The following FGF13 variants were observed in gnomAD, a reference collection of about 807,000 sequenced individuals.
FGF13 encodes the protein fibroblast growth factor homologous factor 2.
In FGF13, 2 loss-of-function variants were observed where a neutral mutation model predicts 19.5. The observed-to-expected ratio is 0.10, with a 90% CI of 0.04 to 0.32. FGF13 has a LOEUF of 0.32. Among genes scored for constraint, FGF13 ranks in the 10% least tolerant of loss-of-function variants. The pLI, the probability that FGF13 is intolerant of heterozygous loss-of-function variation, is 1.00. For synonymous variants in FGF13, 72 were observed against 76.9 expected, an observed-to-expected ratio of 0.94 and a Z score of 0.33; for missense variants, 113 against 192.7, an observed-to-expected ratio of 0.59 and a Z score of 2.45.
intron 3 of FGF13, among the ~76,000 whole-genome samples, chrX:138,690,754 G>A (rs2089830708): frequency 9.0e-6 from 1 of 110,568 alleles, no homozygotes; most frequent in Admixed American, 9.7e-5. Flanking sequence ...CCCATCCCAA[G>A]GCATTCAAAT....
intron 3 of FGF13, among the ~76,000 whole-genome samples, chrX:138,676,624 G>A (rs182254132): frequency 1.4e-3 from 155 of 111,335 alleles, no homozygotes; most frequent in Middle Eastern, 9.2e-3. Flanking sequence ...GGTGGTGGAA[G>A]CGGTGAGGGT....
chrX:138,767,707 A>G (rs1463799700), intron 3 of FGF13, among the ~76,000 whole-genome samples: 1 of 112,253 alleles, frequency 8.9e-6, no homozygotes, highest in Non-Finnish European at 1.9e-5. Context: ...ATACAGGCAG[A>G]AGTTCTAGTC....
chrX:138,887,041 T>C (rs970015399), intron 1 of FGF13, among the ~76,000 whole-genome samples: 8 of 111,667 alleles, frequency 7.2e-5, no homozygotes, highest in Admixed American at 9.5e-5. Context: ...CAATGTTGCA[T>C]GGTGGTTAAG....
chrX:139,044,905 G>T (rs1318412632), intron 1 of FGF13, among the ~76,000 whole-genome samples: 1 of 111,194 alleles, frequency 9.0e-6, no homozygotes, highest in Non-Finnish European at 1.9e-5. Flanking sequence ...CTGGAGGACG[G>T]TGGCCCCCAT....
At chrX:139,143,768 G>A (rs1165945333) in intron 1 of FGF13, among the ~76,000 whole-genome samples, 2 of 111,275 alleles carry the variant, frequency 1.8e-5, no homozygotes, top group Non-Finnish European at 3.8e-5. Flanking sequence ...ACTCCACTAG[G>A]GCATTGCTGG....
At chrX:138,675,960 T>A (rs1175651460) in intron 3 of FGF13, among the ~76,000 whole-genome samples, 1 of 112,059 alleles carries the variant, frequency 8.9e-6, no homozygotes, top group Non-Finnish European at 1.9e-5. Context: ...GACCTGAGTC[T>A]TCCAAGATAT....
At chrX:138,803,106 T>C (rs1442627674) in intron 3 of FGF13, among the ~76,000 whole-genome samples, 1 of 111,905 alleles carries the variant, frequency 8.9e-6, no homozygotes, top group Non-Finnish European at 1.9e-5. Flanking sequence ...TCTCCAACTC[T>C]AATGGCAACT....
Position 138,627,653 on chromosome X carries a change from AGT to A in FGF13, c.*5195_*5196del, listed in dbSNP as rs2089078172. On this transcript the variant is annotated 3_prime_UTR_variant, in exon 5 of 5. Coordinates refer to ENST00000315930, the MANE Select transcript of FGF13 (RefSeq NM_004114.5). ...CGCGTGTGTGTGTGTGTGTGTGTGAAGTGTTTGTACAAAAGAGAAATAGGCAG... is the reference window on the plus strand; with the variant it reads ...CGCGTGTGTGTGTGTGTGTGTGTGAAGTTTGTACAAAAGAGAAATAGGCAG... 2.0e-5 allele frequency: 2 copies of A among 101,244 alleles called. No homozygotes were observed. Among genetic ancestry groups the A allele is most frequent in the African/African-American group, 7.3e-5 (2 of 27,463 alleles). 8.3% of individuals were successfully genotyped at this position (101,244 alleles called of 1,213,427 possible).
chrX:139,004,537 G>A (rs2092092283), intron 1 of FGF13, among the ~76,000 whole-genome samples: 1 of 112,706 alleles, frequency 8.9e-6, no homozygotes, highest in Non-Finnish European at 1.9e-5. Context: ...AGGCAGAGGA[G>A]GTGCCGAGAG....
At chrX:138,755,972 A>G (rs1048970894) in intron 3 of FGF13, among the ~76,000 whole-genome samples, 5 of 111,758 alleles carry the variant, frequency 4.5e-5, no homozygotes, top group Admixed American at 2.8e-4. Context: ...TGGTGTCCTT[A>G]TAAGAAGAAG....
intron 1 of FGF13, among the ~76,000 whole-genome samples, chrX:138,939,179 C>A (rs1037706602): frequency 7.1e-5 from 8 of 111,889 alleles, no homozygotes; most frequent in African/African-American, 2.6e-4. Flanking sequence ...TGAGATAGTG[C>A]CAGGACATAG....
chrX:139,174,371 T>C (rs1451432199), intron 1 of FGF13, among the ~76,000 whole-genome samples: 1 of 112,513 alleles, frequency 8.9e-6, no homozygotes, highest in African/African-American at 3.2e-5. Context: ...AACCTGATGA[T>C]AGTTTCTTTT....
chrX:138,744,497 G>A (rs1254300737), intron 3 of FGF13, among the ~76,000 whole-genome samples: 4 of 111,608 alleles, frequency 3.6e-5, no homozygotes, highest in South Asian at 3.8e-4. Flanking sequence ...AGCACAGTGC[G>A]TGGCATTTCG....
At chrX:139,033,911 A>G (rs181091653) in intron 1 of FGF13, among the ~76,000 whole-genome samples, 66 of 111,756 alleles carry the variant, frequency 5.9e-4, no homozygotes, top group Non-Finnish European at 1.2e-3. Context: ...GTCTTATTAT[A>G]ATCTCTAACA....
chrX:138,828,977 T>C (rs916084594), intron 3 of FGF13, among the ~76,000 whole-genome samples: 1 of 111,490 alleles, frequency 9.0e-6, no homozygotes, highest in African/African-American at 3.3e-5. Context: ...CTAAAACCAA[T>C]ACTGAAATTT....
At chrX:138,724,055 C>T (rs2090167475) in intron 1 of FGF13, among the ~76,000 whole-genome samples, 1 of 111,885 alleles carries the variant, frequency 8.9e-6, no homozygotes, top group Admixed American at 9.5e-5. Flanking sequence ...CCAATCGTGT[C>T]CGACTCCTTG....
At chrX:138,997,088 G>C (rs1250905757) in intron 1 of FGF13, among the ~76,000 whole-genome samples, 11 of 112,234 alleles carry the variant, frequency 9.8e-5, no homozygotes, top group African/African-American at 3.6e-4. Context: ...CAGCTGAGGA[G>C]CCTGACTGTT....
intron 1 of FGF13, among the ~76,000 whole-genome samples, chrX:139,031,212 C>CAA (rs67703366): frequency 2.7e-5 from 3 of 109,688 alleles, no homozygotes; most frequent in East Asian, 2.9e-4. Context: ...GATTTTGAGG[C>CAA]AAAAAAATAA....
rs768235765 is a variant in FGF13, at chrX:139,116,868, T to C, written c.-113+86548A>G. On this transcript the variant is annotated intron_variant, in intron 1 of 2. Transcript: ENST00000421460. The stretch of plus-strand genomic sequence containing the variant: ...GCAACCACCTGATTACTGATGACTA[T>C]ACTTCCCTGGGGACTGCTAACAAGA... 3.2e-4 allele frequency among the ~76,000 whole-genome samples: 36 copies of C among 111,435 alleles called. No homozygotes were observed. The Admixed American group carries it at 3.4e-3, about 10-fold the overall frequency.
Sources: allele counts gnomAD v4.1 joint callset (sites outside exome capture counted in the v4.1 genomes callset), GRCh38; gene constraint gnomAD v4.1.1; transcripts MANE v1.5; gene names NCBI Gene and HGNC (gene_info 2026-07-23, HGNC 2026-07-21).